Variants in NRG1 observed in about 807,000 individuals in gnomAD.
NRG1 encodes pro-neuregulin-1, membrane-bound isoform.
Under a neutral mutation model 63.8 loss-of-function variants are expected in NRG1, and 18 were observed. That is an observed-to-expected ratio of 0.28 (90% CI 0.19 to 0.42). The LOEUF (loss-of-function observed/expected upper bound fraction) is 0.42, where lower values mean the gene tolerates loss of function less well. NRG1 is among the 10% of genes least tolerant of loss of function. NRG1 has a pLI of 1.00. For missense variants in NRG1, 762 were observed against 814.7 expected (o/e 0.94, Z 0.79); for synonymous variants, 302 against 301.3 (o/e 1.00, Z -0.02).
At chr8:32,617,001 G>T (rs537432736) in intron 5 of NRG1, 116 bp downstream of exon 5, 44 of 753,548 alleles carry the variant, frequency 5.8e-5, no homozygotes, top group Admixed American at 3.4e-4. Flanking sequence ...ATTGAGTTTG[G>T]CAATAGGTGG....
downstream of NRG1, among the ~76,000 whole-genome samples, chr8:32,772,070 T>TAA (rs1831859874): frequency 1.2e-5 from 1 of 86,196 alleles, no homozygotes; most frequent in Admixed American, 1.2e-4. Flanking sequence ...TATATATATA[T>TAA]ATATATATAT....
chr8:32,293,718 C>CTTTT lies in NRG1; in HGVS notation c.38-302094_38-302091dup, dbSNP rs770993591. Among the ~76,000 whole-genome samples the CTTTT allele has an allele frequency of 2.4e-3, 256 of 108,242 alleles. 2 individuals carry two copies. The highest frequency in any genetic ancestry group is 5.7e-3 in the Middle Eastern group (1 of 174). The allele number at this position is 108,242 out of a possible 152,430, so 71.0% of individuals were successfully genotyped here. ...ACTATTTCTTTTTTCTTTTCTTCTTCTTTTTTTTTTTTTTTTTTTGAGATG... is the reference window on the plus strand; with the variant it reads ...ACTATTTCTTTTTTCTTTTCTTCTTCTTTTTTTTTTTTTTTTTTTTTTTGAGATG... On this transcript the variant is annotated intron_variant, in intron 1 of 10. Transcript: ENST00000519301.
At chr8:32,335,284 A>G (rs1436298428) in intron 1 of NRG1, among the ~76,000 whole-genome samples, 1 of 152,216 alleles carries the variant, frequency 6.6e-6, no homozygotes, top group Admixed American at 6.5e-5. Context: ...GAATTTTCCC[A>G]AAATCTTTCC....
intron 1 of NRG1, among the ~76,000 whole-genome samples, chr8:32,241,919 A>T (rs1848139333): frequency 6.6e-6 from 1 of 151,840 alleles, no homozygotes; most frequent in Non-Finnish European, 1.5e-5. Context: ...GTGCCCAGCT[A>T]TTTTTAAAAT....
chr8:32,027,312 A>C (rs1817533277), intron 1 of NRG1, among the ~76,000 whole-genome samples: 1 of 152,120 alleles, frequency 6.6e-6, no homozygotes, highest in African/African-American at 2.4e-5. Context: ...ATATGCTAAA[A>C]TTTATTTGTT....
chr8:31,705,798 A>G (rs73672714), intron 1 of NRG1, among the ~76,000 whole-genome samples: 319 of 152,308 alleles, frequency 2.1e-3, no homozygotes, highest in African/African-American at 6.9e-3. Flanking sequence ...TTAATATTCT[A>G]TGCTTTCAGA....
At chr8:32,104,932 C>T (rs1013694817) in intron 1 of NRG1, among the ~76,000 whole-genome samples, 2 of 150,908 alleles carry the variant, frequency 1.3e-5, no homozygotes, top group African/African-American at 4.9e-5. Context: ...ATAAAAAATA[C>T]ATGTAGAAGC....
intron 1 of NRG1, among the ~76,000 whole-genome samples, chr8:32,447,730 G>T (rs931859755): frequency 1.3e-5 from 2 of 151,806 alleles, no homozygotes; most frequent in African/African-American, 2.4e-5. Context: ...AAAATTAGTC[G>T]AGCATGGCGG....
chr8:32,348,395 G>T lies in NRG1; in HGVS notation c.38-247433G>T, dbSNP rs188367908. Among the ~76,000 whole-genome samples, 465 of 152,240 alleles carry T rather than the reference G, an allele frequency of 3.1e-3. 3 individuals are homozygous for T. The highest frequency in any genetic ancestry group is 6.8e-3 in the Middle Eastern group (2 of 294). The stretch of plus-strand genomic sequence containing the variant: ...AAAATAAAATTTGTCATAAACAAAT[G>T]TAAGAGTCTGGATGTTTCTACAAAC... On this transcript the variant is annotated intron_variant, in intron 1 of 10. Coordinates refer to the NRG1 transcript ENST00000519301.
intron 1 of NRG1, among the ~76,000 whole-genome samples, chr8:32,525,393 T>A (rs73234122): frequency 1.6e-5 from 1 of 64,404 alleles, no homozygotes; most frequent in African/African-American, 4.0e-5. Flanking sequence ...GAGGTAGGGG[T>A]GTGTGTGTGT....
At chr8:32,732,580 T>A (rs928126088) in intron 6 of NRG1, among the ~76,000 whole-genome samples, 1 of 152,190 alleles carries the variant, frequency 6.6e-6, no homozygotes, top group Non-Finnish European at 1.5e-5. Flanking sequence ...CTGGACAATA[T>A]ATTTATTTAT....
intron 1 of NRG1, among the ~76,000 whole-genome samples, chr8:32,199,155 T>C (rs1006596257): frequency 4.6e-5 from 7 of 152,162 alleles, no homozygotes; most frequent in Admixed American, 2.6e-4. Context: ...CTAATGTCTG[T>C]CATATGCCTA....
intron 1 of NRG1, among the ~76,000 whole-genome samples, chr8:32,177,818 T>C (rs1211602974): frequency 6.6e-6 from 1 of 152,136 alleles, no homozygotes; most frequent in Admixed American, 6.5e-5. Context: ...TATACATCTC[T>C]TTCTGCTTGT....
At chr8:31,680,678 A>G (rs1808244595) in intron 1 of NRG1, among the ~76,000 whole-genome samples, 1 of 151,662 alleles carries the variant, frequency 6.6e-6, no homozygotes. Flanking sequence ...GCTGGGTCAA[A>G]TGGTATTTCT....
At chr8:32,079,278 A>G (rs1827085935) in intron 1 of NRG1, among the ~76,000 whole-genome samples, 1 of 152,068 alleles carries the variant, frequency 6.6e-6, no homozygotes, top group African/African-American at 2.4e-5. Context: ...TTTTCATCAT[A>G]GTTTGTTTAA....
chr8:31,758,928 C>T (rs6468066), intron 1 of NRG1, among the ~76,000 whole-genome samples: 113,466 of 152,080 alleles, frequency 0.75, 42,805 homozygotes, highest in East Asian at 0.99. Context: ...GCTTTAATGT[C>T]ATTTACCTTT....
At chr8:32,388,798 C>T (rs1336478909) in intron 1 of NRG1, among the ~76,000 whole-genome samples, 1 of 151,676 alleles carries the variant, frequency 6.6e-6, no homozygotes. Context: ...TAATAAAAAT[C>T]AATAAAAAAT....
intron 1 of NRG1, among the ~76,000 whole-genome samples, chr8:32,260,728 C>G (rs1220403162): frequency 6.6e-6 from 1 of 152,130 alleles, no homozygotes; most frequent in African/African-American, 2.4e-5. Context: ...GGATGGCTAG[C>G]AAAAGGAAAT....
At chr8:32,493,177 T>C (rs1826802316) in intron 1 of NRG1, among the ~76,000 whole-genome samples, 3 of 152,298 alleles carry the variant, frequency 2.0e-5, no homozygotes, top group Middle Eastern at 3.4e-3. Context: ...CAGATATTTA[T>C]TGTAAACCAG....
Sources: gnomAD v4.1 joint callset for allele counts (sites outside exome capture counted in the v4.1 genomes callset) on GRCh38, gnomAD v4.1.1 for gene constraint, MANE v1.5 for transcripts, NCBI Gene and HGNC (gene_info 2026-07-23, HGNC 2026-07-21) for gene names.